RAPGEF4: variants seen among roughly 807,000 people sequenced by gnomAD.
RAPGEF4 encodes the protein RAP guanine-nucleotide-exchange factor (GEF) 4.
In RAPGEF4, 66 loss-of-function variants were observed where a neutral mutation model predicts 147.9. That is an observed-to-expected ratio of 0.45 (90% confidence interval 0.37 to 0.55). The LOEUF (loss-of-function observed/expected upper bound fraction) is 0.55. RAPGEF4 is among the 20% of genes least tolerant of loss of function. The probability of loss-of-function intolerance (pLI) is 0.00; values close to 1 mark genes in which losing one functional copy is unlikely to be tolerated. For synonymous variants in RAPGEF4, 419 were observed against 442.7 expected (o/e 0.95, Z 0.67); for missense variants, 1,071 against 1,257.3 (o/e 0.85, Z 2.24).
chr2:172,932,402 A>G (rs1323015389), intron 6 of RAPGEF4, among the ~76,000 whole-genome samples: 1 of 152,238 alleles, frequency 6.6e-6, no homozygotes, highest in African/African-American at 2.4e-5. Context: ...TTCTCAAGGA[A>G]TGGGGCTGTT....
At chr2:172,777,070 C>T (rs1214861314) in intron 1 of RAPGEF4, among the ~76,000 whole-genome samples, 1 of 152,112 alleles carries the variant, frequency 6.6e-6, no homozygotes, top group Non-Finnish European at 1.5e-5. Flanking sequence ...AGATCAGCTT[C>T]CATTTTCCTA....
chr2:172,812,894 T>C (rs1328665721), intron 3 of RAPGEF4, among the ~76,000 whole-genome samples: 1 of 152,238 alleles, frequency 6.6e-6, no homozygotes, highest in African/African-American at 2.4e-5. Context: ...TTTACTAGCA[T>C]TTAAAAATTG....
Position 172,795,116 on chromosome 2 carries a change from C to T in RAPGEF4, c.157C>T (p.His53Tyr), listed in dbSNP as rs1362612195. ...TGAGAAATTTCACCCAAATCTCCTT[C>T]ATCAGATTTGCTTATGTGGTTATTA... ...AFEKFHPNLL[H>Y]QICLCGYYEN... Residue 53 changes from histidine to tyrosine, a missense_variant, in exon 2 of 31, where the codon CAT becomes TAT. Physicochemically the swap from His to Tyr is moderately conservative, Grantham distance 83 (BLOSUM62 2). Transcript: ENST00000397081. The T allele has an allele frequency of 1.2e-6, 2 of 1,612,286 alleles. No homozygotes were observed. The highest frequency in any genetic ancestry group is 2.2e-5 in the South Asian group (2 of 91,030).
chr2:172,809,492 T>G (rs1687817885), intron 3 of RAPGEF4, among the ~76,000 whole-genome samples: 1 of 152,150 alleles, frequency 6.6e-6, no homozygotes, highest in Admixed American at 6.5e-5. Context: ...TTATTAGAAC[T>G]GGGACACAGG....
chr2:172,930,978 CG>C (rs1685859709), intron 6 of RAPGEF4, among the ~76,000 whole-genome samples: 1 of 152,022 alleles, frequency 6.6e-6, no homozygotes, highest in Non-Finnish European at 1.5e-5. Context: ...ATTAGTATGA[CG>C]GGGTTCAATA....
intron 1 of RAPGEF4, among the ~76,000 whole-genome samples, chr2:172,754,552 A>T (rs1442946649): frequency 2.6e-5 from 4 of 152,252 alleles, no homozygotes; most frequent in Admixed American, 2.6e-4. Context: ...AGAAATAAGG[A>T]ATTTGAGGTC....
In RAPGEF4 at chr2:172,795,056, A is replaced by G; in HGVS notation, c.97A>G (p.Ile33Val). 2.5e-6 allele frequency: 4 copies of G among 1,614,018 alleles called. No homozygotes were observed. Among genetic ancestry groups the G allele is most frequent in the East Asian group, 4.5e-5 (2 of 44,866 alleles). ...GGAGCGATCCAGCGAAGATGTGGAT[A>G]TAATCTTCACTCGACTGAAAGAAGT... Reference protein sequence around the residue: ...PLERSSEDVDIIFTRLKEVKA... With the variant: ...PLERSSEDVDVIFTRLKEVKA... The change falls in exon 2 of 31, where the codon ATA becomes GTA. Residue 33 changes from isoleucine (I) to valine (V), a missense_variant. By Grantham distance (29) the Ile-to-Val change is conservative. Coordinates refer to ENST00000397081, the MANE Select transcript of RAPGEF4 (RefSeq NM_007023.4).
At chr2:173,007,678 C>T (rs1162047192) in intron 17 of RAPGEF4, among the ~76,000 whole-genome samples, 1 of 152,140 alleles carries the variant, frequency 6.6e-6, no homozygotes, top group Non-Finnish European at 1.5e-5. Flanking sequence ...TACCAAAGAT[C>T]ATACAGTTTT....
Position 172,942,177 on chromosome 2 carries a change from G to A in RAPGEF4, c.538-18583G>A, listed in dbSNP as rs74606611. On this transcript the variant is annotated intron_variant, in intron 6 of 30. Transcript: ENST00000397081. Reference sequence around the variant, plus strand: ...CTTAGCAATCTTGAAATATACAATAGGTTGGTGCAAAAGTAATTGCAGTTT... The same window carrying A: ...CTTAGCAATCTTGAAATATACAATAAGTTGGTGCAAAAGTAATTGCAGTTT... Among the ~76,000 whole-genome samples, 166 of 149,678 alleles carry A rather than the reference G, an allele frequency of 1.1e-3. 2 individuals are homozygous for A. The East Asian group carries it at 0.028, about 26-fold the overall frequency.
At chr2:172,947,823 A>C (rs898180674) in intron 6 of RAPGEF4, among the ~76,000 whole-genome samples, 1 of 152,136 alleles carries the variant, frequency 6.6e-6, no homozygotes. Flanking sequence ...ATATATATAC[A>C]TAGAATATAC....
At chr2:172,928,748 C>T (rs1685627969) in intron 6 of RAPGEF4, among the ~76,000 whole-genome samples, 1 of 152,140 alleles carries the variant, frequency 6.6e-6, no homozygotes, top group Admixed American at 6.5e-5. Context: ...AATATGCTCC[C>T]TCCATCTTCA....
rs189612696 is a variant in RAPGEF4 at position 173,046,650 on chromosome 2, G to A, written c.2854-1950G>A. Among the ~76,000 whole-genome samples, 19 of 152,272 alleles carry A rather than the reference G, an allele frequency of 1.2e-4. No individual in the cohort carries two copies. The East Asian group carries it at 2.9e-3, about 23-fold the overall frequency. ...TTATCATAGTTACTATTTATTTCAC[G>A]GCTCCATATATCAAGGGCTAATTAT... On this transcript the variant is annotated intron_variant, in intron 29 of 30. Coordinates refer to ENST00000397081, the MANE Select transcript of RAPGEF4 (RefSeq NM_007023.4).
At chr2:172,931,554 G>C (rs570614759) in intron 6 of RAPGEF4, among the ~76,000 whole-genome samples, 2 of 152,312 alleles carry the variant, frequency 1.3e-5, no homozygotes, top group African/African-American at 4.8e-5. Flanking sequence ...GTCACACCAA[G>C]TGCTCCTCTG....
At chr2:172,785,291 C>A (rs1347913369) in intron 1 of RAPGEF4, among the ~76,000 whole-genome samples, 2 of 152,098 alleles carry the variant, frequency 1.3e-5, no homozygotes, top group Non-Finnish European at 2.9e-5. Flanking sequence ...AAACACAATG[C>A]ACACCTATCC....
chr2:172,923,044 C>T (rs1283213323), intron 6 of RAPGEF4, among the ~76,000 whole-genome samples: 2 of 152,190 alleles, frequency 1.3e-5, no homozygotes, highest in African/African-American at 4.8e-5. Context: ...ATCCAAGTGG[C>T]AACGTTACAG....
At chr2:172,798,426 A>T (rs985044874) in intron 3 of RAPGEF4, among the ~76,000 whole-genome samples, 3 of 152,178 alleles carry the variant, frequency 2.0e-5, no homozygotes, top group Admixed American at 2.0e-4. Flanking sequence ...AAGAATCTCG[A>T]GTCTGAAAAG....
At chr2:172,856,155 T>C (rs1435273197) in intron 4 of RAPGEF4, among the ~76,000 whole-genome samples, 5 of 152,212 alleles carry the variant, frequency 3.3e-5, no homozygotes, top group Non-Finnish European at 5.9e-5. Flanking sequence ...AAAAAGAATT[T>C]TCTCTGTTCT....
At position 173,001,280 on chromosome 2, in the gene RAPGEF4, G is replaced by T. The variant is rs749858578; in HGVS notation, c.1594G>T (p.Asp532Tyr). Residue 532 changes from aspartate to tyrosine, a missense_variant, in exon 17 of 31, where the codon GAC becomes TAC. Asp to Tyr is a radical substitution (Grantham distance 160, BLOSUM62 -3). Transcript: ENST00000397081. ...TCCCCTTCCAGATTCTGTTTTAAAT[G>T]ACTTTATTATGATGCACTGTGTTTT... ...LNEATDSVLN[D>Y]FIMMHCVFMP... 5 of 1,613,664 alleles carry T rather than the reference G, an allele frequency of 3.1e-6. No homozygotes were observed. In the South Asian group the frequency reaches 4.4e-5, roughly 14 times the overall value.
chr2:172,854,378 G>T (rs1191417183), intron 4 of RAPGEF4, among the ~76,000 whole-genome samples: 1 of 151,644 alleles, frequency 6.6e-6, no homozygotes, highest in Non-Finnish European at 1.5e-5. Flanking sequence ...TAATTCATAG[G>T]ATATTAATAT....
Sources: allele counts gnomAD v4.1 joint callset (sites outside exome capture counted in the v4.1 genomes callset), GRCh38; gene constraint gnomAD v4.1.1; transcripts MANE v1.5; gene names NCBI Gene and HGNC (gene_info 2026-07-23, HGNC 2026-07-21).